The following UNC5B variants were observed in gnomAD, a reference collection of about 807,000 sequenced individuals.
UNC5B encodes unc-5 netrin receptor B, also known as netrin receptor UNC5B.
A neutral mutation model predicts 103.7 loss-of-function variants in UNC5B; 56 were observed. The ratio of observed to expected loss-of-function variants is 0.54; its 90% CI spans 0.44 to 0.67. The LOEUF (loss-of-function observed/expected upper bound fraction) is 0.67, where lower values mean the gene tolerates loss of function less well. Ranked by LOEUF, UNC5B falls within the 30% of genes least tolerant of loss-of-function variation. UNC5B has a pLI of 0.00. For missense variants in UNC5B, 1,194 were observed against 1,284.5 expected (o/e 0.93, Z 1.08); for synonymous variants, 577 against 542.0 (o/e 1.06, Z -0.90).
chr10:71,287,264 TAGAA>T (rs749175700), intron 5 of UNC5B, among the ~76,000 whole-genome samples: 1 of 152,166 alleles, frequency 6.6e-6, no homozygotes, highest in Non-Finnish European at 1.5e-5. Context: ...GACAGAGTTT[TAGAA>T]AGAACCTTGT....
At chr10:71,225,998 C>T (rs1292815520) in intron 1 of UNC5B, among the ~76,000 whole-genome samples, 1 of 152,196 alleles carries the variant, frequency 6.6e-6, no homozygotes, top group African/African-American at 2.4e-5. Flanking sequence ...CTCCTCCTCC[C>T]CACCCCCTAG....
At chr10:71,227,090 T>G (rs1466305871) in intron 1 of UNC5B, among the ~76,000 whole-genome samples, 2 of 151,852 alleles carry the variant, frequency 1.3e-5, no homozygotes, top group East Asian at 1.9e-4. Flanking sequence ...GTTCAAGCAA[T>G]TCTCCTGCCT....
chr10:71,295,772 G>A, intron 13 of UNC5B, 39 bp from the exon 14 acceptor site: 3 of 1,598,670 alleles, frequency 1.9e-6, no homozygotes, highest in Non-Finnish European at 2.6e-6. Flanking sequence ...CATTGGCCAG[G>A]TGTGATGGGT....
chr10:71,274,215 G>A (rs1347869456), intron 1 of UNC5B, among the ~76,000 whole-genome samples: 2 of 113,924 alleles, frequency 1.8e-5, no homozygotes, highest in Non-Finnish European at 4.1e-5. Flanking sequence ...ACAAAAATTA[G>A]CCAGTTGTGG....
chr10:71,231,162 C>T (rs1176238897), intron 1 of UNC5B, among the ~76,000 whole-genome samples: 3 of 152,190 alleles, frequency 2.0e-5, no homozygotes, highest in Non-Finnish European at 4.4e-5. Context: ...CTTAGCCCAG[C>T]AGCCTATAGA....
intron 1 of UNC5B, among the ~76,000 whole-genome samples, chr10:71,243,291 G>C (rs146074889): frequency 9.5e-4 from 144 of 152,162 alleles, no homozygotes; most frequent in African/African-American, 3.2e-3. Context: ...AGCAGAAAGA[G>C]CCTGGGCTTC....
At chr10:71,259,912 G>A (rs974195883) in intron 1 of UNC5B, among the ~76,000 whole-genome samples, 10 of 152,312 alleles carry the variant, frequency 6.6e-5, no homozygotes, top group East Asian at 1.9e-4. Context: ...GGGGCAGCTC[G>A]GAGTCTGCCC....
At chr10:71,266,057 G>C (rs756299925) in intron 1 of UNC5B, among the ~76,000 whole-genome samples, 2 of 152,108 alleles carry the variant, frequency 1.3e-5, no homozygotes, top group Non-Finnish European at 2.9e-5. Context: ...CTGTCACTAG[G>C]CCGTGCTTCT....
rs371925156 is a variant in UNC5B, at chr10:71,288,539, A to G, written c.902-29A>G. 12 of 1,601,292 alleles carry G rather than the reference A, an allele frequency of 7.5e-6. No homozygotes were observed. The African/African-American group carries it at 1.6e-4, about 21-fold the overall frequency. On this transcript the variant is annotated intron_variant, in intron 6 of 16. Transcript: ENST00000335350. ...TATGTGTGCACATGTCTCTGCGTGC[A>G]CATGCTCCTGTATGCCATGCTCTTA...
chr10:71,269,548 C>T (rs917197795), intron 1 of UNC5B, among the ~76,000 whole-genome samples: 1 of 152,024 alleles, frequency 6.6e-6, no homozygotes, highest in African/African-American at 2.4e-5. Flanking sequence ...GCTCCTGTAG[C>T]CCAGGTCAGC....
rs749909982 is a variant in UNC5B, at chr10:71,287,763, C to T, written c.899C>T (p.Pro300Leu). ...AAGACCGCCTGCACCACCATCTGCCCAGGTAAGGAGCCTTGTCCATGTCCA... is the reference window on the plus strand; with the variant it reads ...AAGACCGCCTGCACCACCATCTGCCTAGGTAAGGAGCCTTGTCCATGTCCA... ...FQKTACTTIC[P>L]VDGAWTEWSK... Residue 300 changes from proline to leucine, a missense_variant and splice_region_variant, in exon 6 of 17, where the codon CCA becomes CTA. Coordinates refer to ENST00000335350, the MANE Select transcript of UNC5B (RefSeq NM_170744.5). 6.2e-7 allele frequency: 1 copy of T among 1,612,110 alleles called. No homozygotes were observed. The highest frequency in any genetic ancestry group is 8.5e-7 in the Non-Finnish European group (1 of 1,179,036).
chr10:71,214,229 C>T (rs1843289080), intron 1 of UNC5B, among the ~76,000 whole-genome samples: 1 of 151,962 alleles, frequency 6.6e-6, no homozygotes, highest in Non-Finnish European at 1.5e-5. Flanking sequence ...CTCCTACCTC[C>T]TGCTGCGAAG....
chr10:71,214,277 C>T (rs1339243101), intron 1 of UNC5B, among the ~76,000 whole-genome samples: 2 of 152,172 alleles, frequency 1.3e-5, no homozygotes, highest in African/African-American at 4.8e-5. Context: ...GCCAAAGATT[C>T]CTCATTCTGG....
chr10:71,289,640 T>C (rs1447032251), intron 8 of UNC5B, among the ~76,000 whole-genome samples: 1 of 152,208 alleles, frequency 6.6e-6, no homozygotes, highest in Non-Finnish European at 1.5e-5. Context: ...TCGGCCGAGC[T>C]CACTGGGGGT....
chr10:71,242,760 G>T (rs1376928000), intron 1 of UNC5B, among the ~76,000 whole-genome samples: 1 of 152,230 alleles, frequency 6.6e-6, no homozygotes, highest in African/African-American at 2.4e-5. Context: ...GCGGCCCCCA[G>T]AATCTCACAC....
chr10:71,285,297 C>T, intron 3 of UNC5B, 29 bp from the exon 4 acceptor site: 1 of 1,586,380 alleles, frequency 6.3e-7, no homozygotes, highest in South Asian at 1.1e-5. Context: ...CCGCACCTGA[C>T]TGCCTTGGGA....
rs551142023 is a variant in UNC5B at position 71,293,859 on chromosome 10, G to T, written c.2101G>T (p.Ala701Ser). The T allele has an allele frequency of 6.8e-6, 11 of 1,608,918 alleles. No homozygotes were observed. The Admixed American group carries it at 1.7e-4, about 24-fold the overall frequency. Residue 701 changes from alanine to serine, a missense_variant, in exon 13 of 17, where the codon GCC becomes TCC. Transcript: ENST00000335350. ...AVKRLQLAVF[A>S]PALCTSLEYS... ...CAAGCGGCTCCAGCTGGCCGTCTTC[G>T]CCCCCGCCCTCTGCACCTCCCTGGA...
intron 1 of UNC5B, among the ~76,000 whole-genome samples, chr10:71,254,994 TC>T (rs1194616276): frequency 1.3e-5 from 2 of 152,234 alleles, no homozygotes; most frequent in Non-Finnish European, 1.5e-5. Context: ...TTCGTGTGTT[TC>T]CTTTCAGGCT....
At chr10:71,272,202 C>G (rs74147806) in intron 1 of UNC5B, among the ~76,000 whole-genome samples, 14,417 of 152,194 alleles carry the variant, frequency 0.095, 705 homozygotes, top group Middle Eastern at 0.12. Context: ...GAGAATTAGC[C>G]GGTGTCCAGG....
Sources: allele counts gnomAD v4.1 joint callset (sites outside exome capture counted in the v4.1 genomes callset), GRCh38; gene constraint gnomAD v4.1.1; transcripts MANE v1.5; gene names NCBI Gene and HGNC (gene_info 2026-07-23, HGNC 2026-07-21).